Variants in CCDC169 observed in about 807,000 individuals in gnomAD.
CCDC169 encodes the protein coiled-coil domain containing 169, also known as coiled-coil domain-containing protein 169.
A neutral mutation model predicts 36.0 loss-of-function variants in CCDC169; 30 were observed. The observed-to-expected ratio is 0.83, with a 90% confidence interval of 0.62 to 1.13. CCDC169 has a LOEUF of 1.13. Ranked by LOEUF, CCDC169 falls within the 50% of genes most tolerant of loss-of-function variation. The pLI is 0.00. For synonymous variants in CCDC169, 85 were observed against 81.5 expected, an observed-to-expected ratio of 1.04 and a Z score of -0.23; for missense variants, 245 against 245.9, an observed-to-expected ratio of 1.00 and a Z score of 0.03.
At chr13:36,237,640 T>C (rs998360163) in intron 7 of CCDC169, among the ~76,000 whole-genome samples, 3 of 152,212 alleles carry the variant, frequency 2.0e-5, no homozygotes, top group African/African-American at 7.2e-5. Context: ...TGTTCCAACA[T>C]GGATGAACCA....
chr13:36,283,342 A>G (rs1998798), intron 4 of CCDC169, 127 bp downstream of exon 4: 226,140 of 859,940 alleles, frequency 0.26, 31,327 homozygotes, highest in East Asian at 0.47. Flanking sequence ...CTTCAAACAG[A>G]TCCCTTGAAC....
intron 2 of CCDC169, among the ~76,000 whole-genome samples, chr13:36,289,042 C>T (rs558674635): frequency 1.7e-3 from 252 of 152,234 alleles, no homozygotes; most frequent in African/African-American, 5.7e-3. Context: ...ATTAAGTTGG[C>T]TATAATTAGA....
chr13:36,275,826 G>A (rs1017647002), intron 4 of CCDC169, among the ~76,000 whole-genome samples: 11 of 152,144 alleles, frequency 7.2e-5, no homozygotes, highest in Admixed American at 3.9e-4. Flanking sequence ...TCACAGTCAG[G>A]AAAATGGTGT....
chr13:36,296,979 C>T (rs907094136), intron 1 of CCDC169, among the ~76,000 whole-genome samples: 2 of 152,146 alleles, frequency 1.3e-5, no homozygotes, highest in African/African-American at 4.8e-5. Context: ...ATACACAGAA[C>T]CTGTCCTCAG....
At chr13:36,250,272 T>C (rs1481005757) in intron 6 of CCDC169, among the ~76,000 whole-genome samples, 1 of 152,088 alleles carries the variant, frequency 6.6e-6, no homozygotes, top group African/African-American at 2.4e-5. Flanking sequence ...CACATAGCAT[T>C]TGGTCTAACG....
chr13:36,293,554 C>A (rs1046791899), intron 2 of CCDC169, among the ~76,000 whole-genome samples: 8 of 152,124 alleles, frequency 5.3e-5, no homozygotes, highest in Non-Finnish European at 2.9e-5. Context: ...GGGAGTAGCC[C>A]TTGACTGGCC....
Position 36,253,979 on chromosome 13 carries a change from T to C in CCDC169, c.414+66A>G, listed in dbSNP as rs188904115. 390 of 1,533,196 alleles carry C rather than the reference T, an allele frequency of 2.5e-4. 3 individuals are homozygous for C. In the African/African-American group the frequency reaches 4.4e-3, roughly 17 times the overall value. 95.0% of individuals were successfully genotyped at this position (1,533,196 alleles called of 1,614,324 possible). ...AGTTTTGTGTTAATTATAGAGTAGG[T>C]TTGTAGATAACATTAGAAATAATGG... is the stretch of plus-strand genomic sequence containing the variant. On this transcript the variant is annotated intron_variant, in intron 5 of 7. Transcript: ENST00000239859.
chr13:36,281,843 C>G (rs1877579286), intron 4 of CCDC169, among the ~76,000 whole-genome samples: 1 of 151,612 alleles, frequency 6.6e-6, no homozygotes, highest in African/African-American at 2.4e-5. Context: ...GCCTGGGTGA[C>G]AGAGTGAGAC....
downstream of CCDC169, chr13:36,226,359 C>T (rs769188687): frequency 3.3e-5 from 5 of 152,198 alleles, no homozygotes; most frequent in Admixed American, 6.5e-5. Flanking sequence ...TAGTTAAATT[C>T]TCATCTGGCA....
chr13:36,279,004 C>T (rs1416761924), intron 4 of CCDC169, among the ~76,000 whole-genome samples: 4 of 152,150 alleles, frequency 2.6e-5, no homozygotes, highest in African/African-American at 7.2e-5. Context: ...AATTCTCTTG[C>T]AGTCTTACCC....
intron 4 of CCDC169, among the ~76,000 whole-genome samples, chr13:36,266,532 C>T (rs1032536081): frequency 2.0e-5 from 3 of 152,272 alleles, no homozygotes; most frequent in Non-Finnish European, 4.4e-5. Flanking sequence ...CATTCAGATG[C>T]CTCTGGAGCT....
chr13:36,273,515 A>T (rs931105661), intron 4 of CCDC169, among the ~76,000 whole-genome samples: 1 of 152,224 alleles, frequency 6.6e-6, no homozygotes, highest in Admixed American at 6.5e-5. Context: ...CAAGCAAAAA[A>T]TGTTTTGACT....
chr13:36,234,879 G>C (rs932572516), intron 7 of CCDC169, among the ~76,000 whole-genome samples: 1 of 152,072 alleles, frequency 6.6e-6, no homozygotes, highest in Non-Finnish European at 1.5e-5. Context: ...AAATTCACAT[G>C]AAGAAATAAA....
downstream of CCDC169, among the ~76,000 whole-genome samples, chr13:36,229,732 C>G (rs186145897): frequency 1.3e-5 from 2 of 151,948 alleles, no homozygotes; most frequent in African/African-American, 4.8e-5. Flanking sequence ...TTAGTAGAGA[C>G]AAGTTTTGCC....
At chr13:36,227,021 C>A, downstream of CCDC169, 1 of 426,398 alleles carries the variant, frequency 2.3e-6, no homozygotes, top group African/African-American at 2.0e-5. Flanking sequence ...AATAAAAAGA[C>A]CAAGGTGAAG....
At chr13:36,262,039 A>G (rs1594044643) in intron 4 of CCDC169, among the ~76,000 whole-genome samples, 1 of 152,182 alleles carries the variant, frequency 6.6e-6, no homozygotes, top group Non-Finnish European at 1.5e-5. Context: ...AGACTGTCAC[A>G]TGTCAGAAAC....
At chr13:36,297,519 AG>A in intron 1 of CCDC169, 117 bp downstream of exon 1, 1 of 931,178 alleles carries the variant, frequency 1.1e-6, no homozygotes, top group Non-Finnish European at 1.7e-6. Context: ...CGAAGTGCCC[AG>A]GGGTTAATCA....
intron 4 of CCDC169, among the ~76,000 whole-genome samples, chr13:36,254,950 G>C (rs1282577092): frequency 1.3e-5 from 2 of 152,100 alleles, no homozygotes; most frequent in Admixed American, 1.3e-4. Context: ...GCACTTCCAG[G>C]TTCCTTTGGC....
At chr13:36,285,618 G>GATAGATACATACATACATAC (rs751327575) in intron 2 of CCDC169, among the ~76,000 whole-genome samples, 7 of 133,502 alleles carry the variant, frequency 5.2e-5, no homozygotes, top group African/African-American at 2.0e-4. Flanking sequence ...TAGATAGATA[G>GATAGATACATACATACATAC]ATACATAGAT....
Sources: gnomAD v4.1 joint callset for allele counts (sites outside exome capture counted in the v4.1 genomes callset) on GRCh38, gnomAD v4.1.1 for gene constraint, MANE v1.5 for transcripts, NCBI Gene and HGNC (gene_info 2026-07-23, HGNC 2026-07-21) for gene names.